Variants in SEMA5A observed in about 807,000 individuals in gnomAD.
The protein encoded by SEMA5A is semaphorin 5A, also known as semaphorin-5A.
Under a neutral mutation model 135.5 loss-of-function variants are expected in SEMA5A, and 55 were observed. The observed-to-expected ratio is 0.41, with a 90% CI of 0.33 to 0.51. The LOEUF (loss-of-function observed/expected upper bound fraction) is 0.51. Among genes scored for constraint, SEMA5A ranks in the 20% least tolerant of loss-of-function variants. The pLI is 0.37. For synonymous variants in SEMA5A, 580 were observed against 546.5 expected, an observed-to-expected ratio of 1.06 and a Z score of -0.85; for missense variants, 1,290 against 1,419.9, an observed-to-expected ratio of 0.91 and a Z score of 1.47.
intron 13 of SEMA5A, among the ~76,000 whole-genome samples, chr5:9,133,940 G>A (rs570796877): frequency 1.3e-5 from 2 of 152,010 alleles, no homozygotes; most frequent in Admixed American, 6.5e-5. Context: ...AATCATGGGG[G>A]TGGTTTCTCC....
In SEMA5A at chr5:9,062,947, C is replaced by T. The variant is rs748806560; in HGVS notation, c.2458G>A (p.Gly820Arg). The change falls in exon 18 of 23, where the codon GGA (glycine) becomes AGA (arginine). Residue 820 changes from glycine to arginine, a missense_variant. By Grantham distance (125) the Gly-to-Arg change is moderately radical. Around this residue, in one of 3 missense-constraint regions of SEMA5A, gnomAD observed 1,029 missense variants for 1,086.6 expected, o/e 0.95. Transcript: ENST00000382496. ...AGAGATGGGCCAAGGCAAGGCATTCCCCCATACTTGGGTTCGGGGTTGTTG... is the reference window on the plus strand; with the variant it reads ...AGAGATGGGCCAAGGCAAGGCATTCTCCCATACTTGGGTTCGGGGTTGTTG... Reference protein sequence around the residue: ...VCNNPEPKYGGMPCLGPSLEY... With the variant: ...VCNNPEPKYGRMPCLGPSLEY... 3.7e-6 allele frequency: 6 copies of T among 1,614,098 alleles called. No homozygotes were observed. The Admixed American group carries it at 8.3e-5, about 22-fold the overall frequency.
chr5:9,344,351 GAC>G (rs1420756598), intron 3 of SEMA5A, among the ~76,000 whole-genome samples: 10 of 152,254 alleles, frequency 6.6e-5, no homozygotes, highest in Non-Finnish European at 1.2e-4. Context: ...ATTTCTATAA[GAC>G]ACAGATTAAA....
Position 9,051,917 on chromosome 5 carries a change from G to T in SEMA5A, c.2801C>A (p.Thr934Asn). 1 of 1,614,184 alleles carries T rather than the reference G, an allele frequency of 6.2e-7. No homozygotes were observed. Among genetic ancestry groups the T allele is most frequent in the Non-Finnish European group, 8.5e-7 (1 of 1,180,034 alleles). Reference protein sequence around the residue: ...FPMGSQCSGNTTESRPCVFDS... With the variant: ...FPMGSQCSGNNTESRPCVFDS... ...AAACACACACGGCCGGCTCTCCGTG[G>T]TGTTCCCGGAGCACTGGCTGCCCAT... The change falls in exon 20 of 23, where the codon ACC becomes AAC. Residue 934 changes from threonine (T) to asparagine (N), a missense_variant. By Grantham distance (65) the Thr-to-Asn change is moderately conservative. Transcript: ENST00000382496.
intron 12 of SEMA5A, among the ~76,000 whole-genome samples, chr5:9,149,042 C>A (rs1742490266): frequency 6.6e-6 from 1 of 152,124 alleles, no homozygotes; most frequent in Non-Finnish European, 1.5e-5. Flanking sequence ...TTGATGTCAT[C>A]CTGTGGGACA....
At chr5:9,302,686 A>C (rs559200397) in intron 5 of SEMA5A, among the ~76,000 whole-genome samples, 1 of 152,306 alleles carries the variant, frequency 6.6e-6, no homozygotes. Flanking sequence ...ACAAAGATAA[A>C]CCTTTAGAAA....
intron 11 of SEMA5A, among the ~76,000 whole-genome samples, chr5:9,166,465 A>T (rs1743615000): frequency 6.6e-6 from 1 of 152,206 alleles, no homozygotes; most frequent in Non-Finnish European, 1.5e-5. Context: ...GGTACCTGGT[A>T]CACAGGACAC....
chr5:9,483,539 G>T (rs1445232137), intron 1 of SEMA5A, among the ~76,000 whole-genome samples: 2 of 152,154 alleles, frequency 1.3e-5, no homozygotes, highest in Admixed American at 6.5e-5. Flanking sequence ...GACTTCACTT[G>T]AGATTATGTA....
chr5:9,536,762 T>C (rs1737791852), intron 1 of SEMA5A, among the ~76,000 whole-genome samples: 2 of 152,228 alleles, frequency 1.3e-5, no homozygotes, highest in Admixed American at 6.5e-5. Context: ...CTTTTCTATT[T>C]ACAGCCTGGA....
rs7717430 is a variant in SEMA5A, at chr5:9,510,965, C to T, written c.-175+34619G>A. On this transcript the variant is annotated intron_variant, in intron 1 of 22. Coordinates refer to ENST00000382496, the MANE Select transcript of SEMA5A (RefSeq NM_003966.3). ...CTGCCATGCCCATTCCAGAAGATAC[C>T]CGAGAAGTCATTGTTGTCTTAGGCC... 8.4e-3 allele frequency among the ~76,000 whole-genome samples: 1,284 copies of T among 152,220 alleles called. 18 individuals are homozygous for T. Among genetic ancestry groups the T allele is most frequent in the African/African-American group, 0.029 (1,214 of 41,520 alleles).
At chr5:9,525,156 T>C (rs1350762704) in intron 1 of SEMA5A, among the ~76,000 whole-genome samples, 1 of 152,204 alleles carries the variant, frequency 6.6e-6, no homozygotes, top group Non-Finnish European at 1.5e-5. Context: ...GTAAATAAAG[T>C]TTCATTGGAA....
At chr5:9,110,467 GA>G (rs1740179248) in intron 15 of SEMA5A, among the ~76,000 whole-genome samples, 2 of 152,230 alleles carry the variant, frequency 1.3e-5, no homozygotes, top group Admixed American at 1.3e-4. Context: ...CTCCAACCTA[GA>G]AAACGGCGAT....
At chr5:9,381,234 C>G (rs1755593264) in intron 2 of SEMA5A, among the ~76,000 whole-genome samples, 1 of 152,100 alleles carries the variant, frequency 6.6e-6, no homozygotes, top group Non-Finnish European at 1.5e-5. Flanking sequence ...ATGGAGAAGT[C>G]AGTTTGAAGC....
chr5:9,050,418 CT>C lies in SEMA5A; in HGVS notation c.2884del (p.Arg962GlyfsTer10). The C allele has an allele frequency of 6.2e-7, 1 of 1,612,256 alleles. No homozygotes were observed. The highest frequency in any genetic ancestry group is 8.5e-7 in the Non-Finnish European group (1 of 1,179,256). On this transcript the variant is annotated frameshift_variant, in exon 21 of 23. Coordinates refer to ENST00000382496, the MANE Select transcript of SEMA5A (RefSeq NM_003966.3). LOFTEE classifies it high-confidence loss of function. ...TAAAAGGAATAACGTACCTCCACAC[CT>C]TTTCTCTTCTACGCTACTGGATCTT... Reference protein sequence around the residue: ...VARSSSVEEKRCGEFNMFHMI... With the variant: ...VARSSSVEEKXCGEFNMFHMI...
At chr5:9,225,417 A>AAT (rs1747245984) in intron 7 of SEMA5A, among the ~76,000 whole-genome samples, 1 of 139,216 alleles carries the variant, frequency 7.2e-6, no homozygotes, top group Non-Finnish European at 1.6e-5. Flanking sequence ...AAAAAAAAAA[A>AAT]AATTAGCCAC....
chr5:9,488,163 A>G (rs889692606), intron 1 of SEMA5A, among the ~76,000 whole-genome samples: 1 of 152,158 alleles, frequency 6.6e-6, no homozygotes, highest in African/African-American at 2.4e-5. Flanking sequence ...GAGCTGTTGA[A>G]CATTCTACTA....
At chr5:9,370,260 C>A (rs933971243) in intron 3 of SEMA5A, among the ~76,000 whole-genome samples, 1 of 152,200 alleles carries the variant, frequency 6.6e-6, no homozygotes, top group African/African-American at 2.4e-5. Context: ...CCGTTCCTGG[C>A]GTCAGGGTCT....
intron 2 of SEMA5A, among the ~76,000 whole-genome samples, chr5:9,411,474 T>C (rs1757105130): frequency 6.6e-6 from 1 of 152,162 alleles, no homozygotes; most frequent in African/African-American, 2.4e-5. Context: ...TGAGCCTCCC[T>C]ATACAGTGCC....
chr5:9,455,621 C>T (rs1758805837), intron 1 of SEMA5A, among the ~76,000 whole-genome samples: 1 of 152,090 alleles, frequency 6.6e-6, no homozygotes, highest in East Asian at 1.9e-4. Flanking sequence ...CATGAATGGG[C>T]CAGAACAGAG....
rs1176677306 is a variant in SEMA5A at position 9,101,710 on chromosome 5, AC to A, written c.2073+6429del. ...GTTAAAGTAAGAACAGCTTCCAGAC[AC>A]ATCAATAAGTAAGCCATACAAATAG... On this transcript the variant is annotated intron_variant, in intron 16 of 22. Transcript: ENST00000382496. Among the ~76,000 whole-genome samples the A allele has an allele frequency of 5.9e-5, 9 of 152,198 alleles. 1 individual carries two copies. The highest frequency in any genetic ancestry group is 5.9e-4 in the Admixed American group (9 of 15,272).
Sources: allele counts gnomAD v4.1 joint callset (sites outside exome capture counted in the v4.1 genomes callset), GRCh38; gene constraint gnomAD v4.1.1; regional missense constraint gnomAD v4.1.1; transcripts MANE v1.5; gene names NCBI Gene and HGNC (gene_info 2026-07-23, HGNC 2026-07-21).